The following VPS13D variants were observed in gnomAD, a reference collection of about 807,000 sequenced individuals.
The protein encoded by VPS13D is vacuolar protein sorting 13 homolog D, also known as intermembrane lipid transfer protein VPS13D.
A neutral mutation model predicts 461.9 loss-of-function variants in VPS13D; 187 were observed. The ratio of observed to expected loss-of-function variants is 0.40; its 90% CI spans 0.36 to 0.46. VPS13D has a LOEUF of 0.46. VPS13D is among the 20% of genes least tolerant of loss of function. The probability of loss-of-function intolerance (pLI) is 0.60; values close to 1 mark genes in which losing one functional copy is unlikely to be tolerated. For missense variants in VPS13D, 4,711 were observed against 5,364.9 expected (o/e 0.88, Z 3.81); for synonymous variants, 1,951 against 1,986.3 (o/e 0.98, Z 0.47).
Position 12,407,769 on chromosome 1 carries a change from G to A in VPS13D, c.12030+3796G>A, listed in dbSNP as rs563727000. Among the ~76,000 whole-genome samples the A allele has an allele frequency of 3.3e-5, 5 of 152,042 alleles. No homozygotes were observed. In the South Asian group the frequency reaches 1.0e-3, roughly 31 times the overall value. On this transcript the variant is annotated intron_variant, in intron 63 of 69. Coordinates refer to ENST00000620676, the MANE Select transcript of VPS13D (RefSeq NM_015378.4). The stretch of plus-strand genomic sequence containing the variant: ...ACCAAGCACCTTAGTCATTCGGAAA[G>A]GTAATAGTGTCTATGATGAAGGTTT...
chr1:12,416,758 G>A lies in VPS13D; in HGVS notation c.12264G>A (p.Leu4088=). 1 of 1,614,022 alleles carries A rather than the reference G, an allele frequency of 6.2e-7. No individual in the cohort carries two copies. The highest frequency in any genetic ancestry group is 8.5e-7 in the Non-Finnish European group (1 of 1,179,974). The stretch of plus-strand genomic sequence containing the variant: ...ATGTTTCTGAAGGGGTTACTGGACT[G>A]ATAAAATATGGAAATGTCGGGGGCC... ...LNDVSEGVTG[L]IKYGNVGGLI... is the part of the protein sequence containing the mutation. The change falls in exon 65 of 70, where the codon CTG becomes CTA. Residue 4088 remains leucine, a synonymous_variant. Coordinates refer to ENST00000620676, the MANE Select transcript of VPS13D (RefSeq NM_015378.4).
intron 68 of VPS13D, among the ~76,000 whole-genome samples, chr1:12,501,256 A>G (rs1208567401): frequency 6.6e-6 from 1 of 152,202 alleles, no homozygotes; most frequent in Non-Finnish European, 1.5e-5. Context: ...ATAGCATATC[A>G]TTATAAATAC....
At chr1:12,388,593 A>G (rs1231673083) in intron 60 of VPS13D, among the ~76,000 whole-genome samples, 1 of 151,408 alleles carries the variant, frequency 6.6e-6, no homozygotes, top group Non-Finnish European at 1.5e-5. Flanking sequence ...AAAAAAAAAA[A>G]GAAATCATAA....
intron 65 of VPS13D, among the ~76,000 whole-genome samples, chr1:12,421,571 T>C (rs919558337): frequency 1.3e-5 from 2 of 152,218 alleles, no homozygotes; most frequent in African/African-American, 2.4e-5. Flanking sequence ...TCTTGTGTGA[T>C]ATTTTCACAT....
intron 58 of VPS13D, among the ~76,000 whole-genome samples, chr1:12,383,450 T>G (rs577554320): frequency 6.6e-6 from 1 of 152,116 alleles, no homozygotes; most frequent in Admixed American, 6.5e-5. Context: ...TGTTAATTAT[T>G]ATTAATAACA....
intron 65 of VPS13D, among the ~76,000 whole-genome samples, chr1:12,421,160 A>G (rs961807188): frequency 6.6e-6 from 1 of 152,234 alleles, no homozygotes; most frequent in Non-Finnish European, 1.5e-5. Flanking sequence ...AGAAATCAGC[A>G]TATGGATTCA....
At chr1:12,312,044 A>ACCCCC in intron 29 of VPS13D, 119 bp downstream of exon 29, 1 of 805,854 alleles carries the variant, frequency 1.2e-6, no homozygotes, top group Non-Finnish European at 2.0e-6. Flanking sequence ...TGTTGTCTGC[A>ACCCCC]GAGTGTCTTT....
chr1:12,243,008 C>T (rs113260722), intron 3 of VPS13D, among the ~76,000 whole-genome samples: 2 of 150,488 alleles, frequency 1.3e-5, no homozygotes, highest in Admixed American at 6.6e-5. Context: ...GCTGGAGTGC[C>T]GTGGTGCGAT....
chr1:12,352,686 C>T (rs576846729), intron 46 of VPS13D, among the ~76,000 whole-genome samples: 26 of 152,048 alleles, frequency 1.7e-4, no homozygotes, highest in East Asian at 5.8e-4. Context: ...AAGTACTGGC[C>T]GGGCACAGTG....
At chr1:12,312,041 TG>T in intron 29 of VPS13D, 116 bp downstream of exon 29, 15 of 731,932 alleles carry the variant, frequency 2.0e-5, no homozygotes, top group South Asian at 7.0e-5. Flanking sequence ...GAATGTTGTC[TG>T]CAGAGTGTCT....
rs577686120 is a variant in VPS13D at position 12,480,247 on chromosome 1, T to G, written c.12663-17253T>G. On this transcript the variant is annotated intron_variant, in intron 67 of 69. Coordinates refer to ENST00000620676, the MANE Select transcript of VPS13D (RefSeq NM_015378.4). ...GCTCTGCCATGCTGCCAAGACCATCTTCACCAGGCGGTAACCTGGGAACTC... is the reference window on the plus strand; with the variant it reads ...GCTCTGCCATGCTGCCAAGACCATCGTCACCAGGCGGTAACCTGGGAACTC... 2.6e-5 allele frequency among the ~76,000 whole-genome samples: 4 copies of G among 152,342 alleles called. No individual in the cohort carries two copies. The East Asian group carries it at 7.7e-4, about 29-fold the overall frequency.
At chr1:12,230,922 G>A (rs1639949312) in intron 1 of VPS13D, among the ~76,000 whole-genome samples, 1 of 152,228 alleles carries the variant, frequency 6.6e-6, no homozygotes, top group Admixed American at 6.5e-5. Context: ...CGGGAGGGTT[G>A]TGGGAGCGTC....
rs768737006 is a variant in VPS13D, at chr1:12,260,747, C to T, written c.1165C>T (p.Arg389Cys). 36 of 1,614,088 alleles carry T rather than the reference C, an allele frequency of 2.2e-5. No homozygotes were observed. The highest frequency in any genetic ancestry group is 8.3e-5 in the Admixed American group (5 of 60,018). Residue 389 changes from arginine (R) to cysteine (C), a missense_variant, in exon 11 of 70, where the codon CGT becomes TGT. Physicochemically the swap from Arg to Cys is radical, Grantham distance 180. Around this residue, in one of 3 missense-constraint regions of VPS13D, gnomAD observed 4,411 missense variants for 4,937.8 expected, o/e 0.89. Coordinates refer to ENST00000620676, the MANE Select transcript of VPS13D (RefSeq NM_015378.4). Reference protein sequence around the residue: ...EQSFEELKILRELVHDRFHKQ... With the variant: ...EQSFEELKILCELVHDRFHKQ... Reference sequence around the variant, plus strand: ...GAGCTTTGAGGAATTGAAGATTTTGCGTGAACTGGTTCATGATCGATTTCA... The same window carrying T: ...GAGCTTTGAGGAATTGAAGATTTTGTGTGAACTGGTTCATGATCGATTTCA...
At chr1:12,328,242 A>G (rs183662126) in intron 36 of VPS13D, among the ~76,000 whole-genome samples, 2 of 152,256 alleles carry the variant, frequency 1.3e-5, no homozygotes, top group East Asian at 3.9e-4. Context: ...AAAAACAAGA[A>G]TCTTACTAGA....
intron 67 of VPS13D, among the ~76,000 whole-genome samples, chr1:12,474,664 G>A (rs1259833373): frequency 6.6e-6 from 1 of 152,134 alleles, no homozygotes; most frequent in Non-Finnish European, 1.5e-5. Context: ...AATGCCTTGA[G>A]CCTTTGAAAA....
intron 63 of VPS13D, among the ~76,000 whole-genome samples, chr1:12,406,834 C>A (rs994846791): frequency 1.3e-5 from 2 of 152,108 alleles, no homozygotes; most frequent in South Asian, 4.1e-4. Context: ...CATGAGGTGG[C>A]CTACAGCAGT....
At chr1:12,371,126 T>A in intron 54 of VPS13D, among the ~76,000 whole-genome samples, 1 of 152,146 alleles carries the variant, frequency 6.6e-6, no homozygotes, top group East Asian at 1.9e-4. Context: ...ACATTCATAA[T>A]GTTGTGCCAC....
intron 12 of VPS13D, 27 bp from the exon 13 acceptor site, chr1:12,261,874 T>G: frequency 1.3e-6 from 2 of 1,563,834 alleles, no homozygotes; most frequent in Non-Finnish European, 8.7e-7. Flanking sequence ...CGTTTTTTCT[T>G]ACAGTCTTTT....
intron 1 of VPS13D, among the ~76,000 whole-genome samples, chr1:12,232,777 A>C (rs1313284444): frequency 4.6e-5 from 7 of 150,902 alleles, no homozygotes; most frequent in African/African-American, 1.2e-4. Flanking sequence ...ATCGACTAAG[A>C]TTGTTCATTG....
Sources: gnomAD v4.1 joint callset for allele counts (sites outside exome capture counted in the v4.1 genomes callset) on GRCh38, gnomAD v4.1.1 for gene constraint, gnomAD v4.1.1 regional missense constraint, MANE v1.5 for transcripts, NCBI Gene and HGNC (gene_info 2026-07-23, HGNC 2026-07-21) for gene names.